The following TCF4 variants were observed in gnomAD, a reference collection of about 807,000 sequenced individuals.
TCF4 encodes SL3-3 enhancer factor 2.
TCF4 carries 3 observed loss-of-function variants against 82.1 expected under a neutral mutation model. That is an observed-to-expected ratio of 0.04 (90% CI 0.02 to 0.09). The LOEUF is 0.09. TCF4 is among the 10% of genes least tolerant of loss of function. The pLI, the probability that TCF4 is intolerant of heterozygous loss-of-function variation, is 1.00. For missense variants in TCF4, 518 were observed against 852.7 expected (o/e 0.61, Z 4.89); for synonymous variants, 276 against 309.6 (o/e 0.89, Z 1.14).
At chr18:55,280,281 C>T (rs979558101) in intron 8 of TCF4, among the ~76,000 whole-genome samples, 34 of 152,040 alleles carry the variant, frequency 2.2e-4, no homozygotes, top group African/African-American at 7.2e-4. Flanking sequence ...GCATAGGAAG[C>T]GGGAGGAGGG....
Position 55,223,828 on chromosome 18 carries a change from AAAAAC to A in TCF4, c.*4202_*4206del, listed in dbSNP as rs1211637262. 6.6e-6 allele frequency: 1 copy of A among 152,418 alleles called. No homozygotes were observed. Among genetic ancestry groups the A allele is most frequent in the Non-Finnish European group, 1.5e-5 (1 of 68,012 alleles). The allele number at this position is 152,418 out of a possible 1,614,324, so 9.4% of individuals were successfully genotyped here. On this transcript the variant is annotated 3_prime_UTR_variant, in exon 20 of 20. Coordinates refer to ENST00000354452, the MANE Select transcript of TCF4 (RefSeq NM_001083962.2). ...CAAAAACAAAAACAAAAACAAAACA[AAAAAC>A]AAACAAAAAAGCTACCCATACAGTT...
intron 3 of TCF4, among the ~76,000 whole-genome samples, chr18:55,560,434 C>T (rs2097344978): frequency 6.6e-6 from 1 of 152,164 alleles, no homozygotes; most frequent in Non-Finnish European, 1.5e-5. Context: ...TTAATTCAAT[C>T]CTTACCACTC....
At chr18:55,385,040 C>T (rs763624697) in intron 6 of TCF4, among the ~76,000 whole-genome samples, 2 of 152,090 alleles carry the variant, frequency 1.3e-5, no homozygotes, top group Non-Finnish European at 2.9e-5. Context: ...CCCCTTACCC[C>T]CTTTCTCTCT....
At chr18:55,271,971 T>C (rs562805183) in intron 10 of TCF4, among the ~76,000 whole-genome samples, 45 of 152,108 alleles carry the variant, frequency 3.0e-4, no homozygotes, top group Non-Finnish European at 5.0e-4. Flanking sequence ...CAAATCTGCC[T>C]GAAATGTGCA....
intron 3 of TCF4, among the ~76,000 whole-genome samples, chr18:55,517,802 T>C (rs562134444): frequency 1.3e-5 from 2 of 152,220 alleles, no homozygotes; most frequent in East Asian, 3.9e-4. Context: ...AGTAAAGCAA[T>C]GGTGACTCCT....
chr18:55,470,811 A>C (rs1280169034), intron 3 of TCF4, among the ~76,000 whole-genome samples: 1 of 152,212 alleles, frequency 6.6e-6, no homozygotes, highest in Non-Finnish European at 1.5e-5. Context: ...TCTTAATAAA[A>C]ATTTCAACAC....
chr18:55,578,479 T>C (rs777040778), intron 3 of TCF4, among the ~76,000 whole-genome samples: 14 of 152,218 alleles, frequency 9.2e-5, no homozygotes, highest in Middle Eastern at 3.4e-3. Context: ...CTCTTATAAA[T>C]GTAAATTTCC....
chr18:55,618,422 T>C (rs909688129), intron 2 of TCF4, among the ~76,000 whole-genome samples: 1 of 152,172 alleles, frequency 6.6e-6, no homozygotes, highest in African/African-American at 2.4e-5. Flanking sequence ...TGATTTTTCT[T>C]ATCTCTTTGT....
chr18:55,336,357 T>G (rs993369909), intron 8 of TCF4, among the ~76,000 whole-genome samples: 1 of 152,074 alleles, frequency 6.6e-6, no homozygotes, highest in Non-Finnish European at 1.5e-5. Context: ...TTTTCAGCAT[T>G]GGTAAAAGAA....
chr18:55,355,435 G>A (rs1483388412), intron 6 of TCF4, among the ~76,000 whole-genome samples: 1 of 152,128 alleles, frequency 6.6e-6, no homozygotes, highest in Non-Finnish European at 1.5e-5. Flanking sequence ...GCTGCTGAAT[G>A]TGCCATTCTG....
rs1473909292 is a variant in TCF4, at chr18:55,347,196, C to CA, written c.549+3162dup. ...CAACACTTTATTACTAAGGTCTTCG[C>CA]AAAAAACGAGGGCTACGAGAAATTG... On this transcript the variant is annotated intron_variant, in intron 8 of 19. Coordinates refer to ENST00000354452, the MANE Select transcript of TCF4 (RefSeq NM_001083962.2). Among the ~76,000 whole-genome samples the CA allele has an allele frequency of 4.6e-5, 7 of 152,104 alleles. No individual in the cohort carries two copies. In the East Asian group the frequency reaches 9.7e-4, roughly 21 times the overall value.
At chr18:55,368,597 G>A (rs2087952018) in intron 6 of TCF4, among the ~76,000 whole-genome samples, 1 of 152,164 alleles carries the variant, frequency 6.6e-6, no homozygotes, top group Non-Finnish European at 1.5e-5. Context: ...CCATGGGTTA[G>A]ACAAGCTTGC....
At chr18:55,247,447 C>T (rs2053626453) in intron 15 of TCF4, among the ~76,000 whole-genome samples, 1 of 152,138 alleles carries the variant, frequency 6.6e-6, no homozygotes, top group Admixed American at 6.5e-5. Flanking sequence ...AGATAGGTGG[C>T]TTATGGATTT....
intron 5 of TCF4, among the ~76,000 whole-genome samples, chr18:55,423,906 C>T (rs1037483658): frequency 1.3e-4 from 20 of 151,976 alleles, no homozygotes; most frequent in African/African-American, 7.3e-5. Flanking sequence ...GGTGACTGGG[C>T]GGAAGGGGGG....
chr18:55,608,271 AC>A (rs1417397658), intron 2 of TCF4, among the ~76,000 whole-genome samples: 1 of 152,068 alleles, frequency 6.6e-6, no homozygotes, highest in African/African-American at 2.4e-5. Flanking sequence ...TTAAACAGTC[AC>A]GTTAAATGGT....
chr18:55,416,112 C>A (rs934281915), intron 5 of TCF4, among the ~76,000 whole-genome samples: 1 of 152,024 alleles, frequency 6.6e-6, no homozygotes, highest in Admixed American at 6.6e-5. Context: ...CAGAAGAGTA[C>A]CTCACAGCTA....
At chr18:55,479,667 T>C (rs1018616925) in intron 3 of TCF4, among the ~76,000 whole-genome samples, 4 of 152,062 alleles carry the variant, frequency 2.6e-5, no homozygotes, top group Admixed American at 6.6e-5. Context: ...AACTCCAAGG[T>C]CCTAGGGGAT....
intron 6 of TCF4, among the ~76,000 whole-genome samples, chr18:55,379,100 A>G (rs2091419330): frequency 6.6e-6 from 1 of 152,256 alleles, no homozygotes; most frequent in African/African-American, 2.4e-5. Context: ...TTCAAAGAAC[A>G]TATTTAATCT....
intron 8 of TCF4, among the ~76,000 whole-genome samples, chr18:55,316,052 A>G (rs1218021424): frequency 6.6e-6 from 1 of 152,128 alleles, no homozygotes; most frequent in African/African-American, 2.4e-5. Flanking sequence ...TAAAAACTTG[A>G]AAAAGCTTAA....
Sources: allele counts gnomAD v4.1 joint callset (sites outside exome capture counted in the v4.1 genomes callset), GRCh38; gene constraint gnomAD v4.1.1; transcripts MANE v1.5; gene names NCBI Gene and HGNC (gene_info 2026-07-23, HGNC 2026-07-21).